The following MEGF8 variants were observed in gnomAD, a reference collection of about 807,000 sequenced individuals.
MEGF8 encodes the protein multiple epidermal growth factor-like domains protein 8.
MEGF8 carries 156 observed loss-of-function variants against 302.9 expected under a neutral mutation model. The observed-to-expected ratio is 0.52, with a 90% CI of 0.45 to 0.59. MEGF8 has a LOEUF of 0.59. Among genes scored for constraint, MEGF8 ranks in the 20% least tolerant of loss-of-function variants. The pLI, the probability that MEGF8 is intolerant of heterozygous loss-of-function variation, is 0.00. For missense variants in MEGF8, 3,345 were observed against 3,964.5 expected (o/e 0.84, Z 4.20); for synonymous variants, 1,621 against 1,660.5 (o/e 0.98, Z 0.58).
intron 31 of MEGF8, among the ~76,000 whole-genome samples, chr19:42,359,853 ATTTTTTTTT>A (rs891961465): frequency 8.0e-6 from 1 of 125,422 alleles, no homozygotes; most frequent in Non-Finnish European, 1.6e-5. Context: ...CGCCTGGATA[ATTTTTTTTT>A]TTTTTTTTTT....
In MEGF8 at chr19:42,333,661, A is replaced by G; in HGVS notation, c.244A>G (p.Thr82Ala). ...CTTCCTTTTCCTGGACACAGAGTGC[A>G]CGTATGACTACCTGTTCGTGTATGA... is the stretch of plus-strand genomic sequence containing the variant. ...LDFLFLDTEC[T>A]YDYLFVYDGD... Residue 82 changes from threonine to alanine, a missense_variant, in exon 2 of 42, where the codon ACG becomes GCG. Thr to Ala is a moderately conservative substitution (Grantham distance 58, BLOSUM62 0). Coordinates refer to ENST00000251268, the MANE Select transcript of MEGF8 (RefSeq NM_001271938.2). 1 of 1,613,990 alleles carries G rather than the reference A, an allele frequency of 6.2e-7. No homozygotes were observed. The highest frequency in any genetic ancestry group is 1.1e-5 in the South Asian group (1 of 91,074).
Position 42,358,658 on chromosome 19 carries a change from G to A in MEGF8, c.5176-129G>A. 1.8e-6 allele frequency: 2 copies of A among 1,118,794 alleles called. No homozygotes were observed. The highest frequency in any genetic ancestry group is 1.7e-5 in the South Asian group (1 of 58,862). The allele number at this position is 1,118,794 out of a possible 1,614,324, so 69.3% of individuals were successfully genotyped here. On this transcript the variant is annotated intron_variant, in intron 29 of 41. Transcript: ENST00000251268. This position sits in a 1 kb window ranked among gnomAD's most constrained non-coding sequence, Gnocchi z 4.4. ...GAGAATGTGTGTGGGAGGGCAGGGA[G>A]CCCTGTCTGCACTGGTTAGAGAGGC...
rs1314746538 is a variant in MEGF8, at chr19:42,375,945, T to A, written c.7708T>A (p.Trp2570Arg). 6.2e-7 allele frequency: 1 copy of A among 1,604,660 alleles called. No homozygotes were observed. Among genetic ancestry groups the A allele is most frequent in the Non-Finnish European group, 8.5e-7 (1 of 1,175,976 alleles). Residue 2570 changes from tryptophan to arginine, a missense_variant, in exon 42 of 42, where the codon TGG (tryptophan) becomes AGG (arginine). By Grantham distance (101) the Trp-to-Arg change is moderately radical. Coordinates refer to ENST00000251268, the MANE Select transcript of MEGF8 (RefSeq NM_001271938.2). The surrounding 1 kb of genome is among the most constrained non-coding windows in gnomAD (Gnocchi z 7.1). ...APAEPRVREV[W>R]PRGLITYVTV... ...AGCAGAGCCACGGGTACGGGAGGTA[T>A]GGCCGCGGGGCCTGATTACCTACGT...
chr19:42,362,047 G>C (rs184026298), intron 32 of MEGF8, 43 bp from the exon 33 acceptor site: 1 of 1,603,192 alleles, frequency 6.2e-7, no homozygotes, highest in African/African-American at 1.3e-5. Context: ...CAGAAGGAGG[G>C]GGTCTGGATG....
At chr19:42,366,038 C>T (rs188962038) in intron 35 of MEGF8, among the ~76,000 whole-genome samples, 3 of 152,088 alleles carry the variant, frequency 2.0e-5, no homozygotes, top group African/African-American at 7.2e-5. Flanking sequence ...ACTGAGATCG[C>T]ACCACTGTAC....
At position 42,369,063 on chromosome 19, in the gene MEGF8, G is replaced by A. The variant is rs2039648488; in HGVS notation, c.6641+61G>A. ...AGGGTGGGAGAGTCTGTGGGGAGCA[G>A]TAATGGATGAGGCCTAGAGCCAAGC... On this transcript the variant is annotated intron_variant, in intron 37 of 41. Coordinates refer to ENST00000251268, the MANE Select transcript of MEGF8 (RefSeq NM_001271938.2). The surrounding 1 kb of genome is among the most constrained non-coding windows in gnomAD (Gnocchi z 5.7). The A allele has an allele frequency of 3.2e-6, 5 of 1,586,712 alleles. No homozygotes were observed. In the Admixed American group the frequency reaches 8.6e-5, roughly 27 times the overall value.
Position 42,335,030 on chromosome 19 carries a change from C to A in MEGF8, c.559-5C>A. 1.9e-6 allele frequency: 3 copies of A among 1,601,464 alleles called. No individual in the cohort carries two copies. The highest frequency in any genetic ancestry group is 1.7e-4 in the Middle Eastern group (1 of 6,000). On this transcript the variant is annotated splice_region_variant and splice_polypyrimidine_tract_variant and intron_variant, in intron 3 of 41. Transcript: ENST00000251268. Reference sequence around the variant, plus strand: ...ATCTCTGCCTTTATGTCTCCTTTCCCGCAGCCCCTGGGACCATGCCGCTGT... The same window carrying A: ...ATCTCTGCCTTTATGTCTCCTTTCCAGCAGCCCCTGGGACCATGCCGCTGT...
rs776088296 is a variant in MEGF8 at position 42,355,944 on chromosome 19, G to T, written c.4331G>T (p.Cys1444Phe). 1 of 1,610,140 alleles carries T rather than the reference G, an allele frequency of 6.2e-7. No homozygotes were observed. The highest frequency in any genetic ancestry group is 8.5e-7 in the Non-Finnish European group (1 of 1,178,756). The change falls in exon 24 of 42, where the codon TGC becomes TTC. Residue 1444 changes from cysteine (C) to phenylalanine (F), a missense_variant. By Grantham distance (205) the Cys-to-Phe change is radical. Transcript: ENST00000251268. ...RCPQGWAGPH[C>F]RMALCPENCN... ...CCTCAGGGCTGGGCTGGCCCACACT[G>T]CCGCATGGCTCTGTGTCCTGAGAAC... is the stretch of plus-strand genomic sequence containing the variant.
rs147432832 is a variant in MEGF8 at position 42,332,930 on chromosome 19, G to C, written c.188-675G>C. On this transcript the variant is annotated intron_variant, in intron 1 of 41. Coordinates refer to ENST00000251268, the MANE Select transcript of MEGF8 (RefSeq NM_001271938.2). Reference sequence around the variant, plus strand: ...TAGAGATGAGGAGACCGATCCAGAGGGGGTGGGTTACTTGGCCAAGATCAC... The same window carrying C: ...TAGAGATGAGGAGACCGATCCAGAGCGGGTGGGTTACTTGGCCAAGATCAC... Among the ~76,000 whole-genome samples, 15 of 152,300 alleles carry C rather than the reference G, an allele frequency of 9.8e-5. No individual in the cohort carries two copies. In the East Asian group the frequency reaches 2.7e-3, roughly 27 times the overall value.
rs2039477349 is a variant in MEGF8 at position 42,358,058 on chromosome 19, T to C, written c.5012-86T>C. 6.2e-6 allele frequency: 8 copies of C among 1,293,054 alleles called. No individual in the cohort carries two copies. Among genetic ancestry groups the C allele is most frequent in the African/African-American group, 1.5e-5 (1 of 64,992 alleles). 80.1% of individuals were successfully genotyped at this position (1,293,054 alleles called of 1,614,324 possible). ...CCAGTCTCAGGGCCGGGGAAGGGAGTGGTCACCGAACAGGGGACCGGGAGG... is the reference window on the plus strand; with the variant it reads ...CCAGTCTCAGGGCCGGGGAAGGGAGCGGTCACCGAACAGGGGACCGGGAGG... On this transcript the variant is annotated intron_variant, in intron 28 of 41. Coordinates refer to ENST00000251268, the MANE Select transcript of MEGF8 (RefSeq NM_001271938.2). The surrounding 1 kb of genome is among the most constrained non-coding windows in gnomAD (Gnocchi z 4.4).
intron 41 of MEGF8, 83 bp downstream of exon 41, chr19:42,371,565 C>A: frequency 6.4e-7 from 1 of 1,563,136 alleles, no homozygotes; most frequent in Non-Finnish European, 8.7e-7. Context: ...CAGGCTCGGG[C>A]AGGACTGACA....
chr19:42,364,309 C>A (rs545813279), intron 35 of MEGF8, among the ~76,000 whole-genome samples: 1 of 152,146 alleles, frequency 6.6e-6, no homozygotes, highest in East Asian at 1.9e-4. Context: ...ACTGCCCCCC[C>A]GTGGGAGATA....
chr19:42,360,512 A>G (rs902802255), intron 31 of MEGF8, among the ~76,000 whole-genome samples: 3 of 151,438 alleles, frequency 2.0e-5, no homozygotes, highest in African/African-American at 7.3e-5. Flanking sequence ...TGCCCAGCTA[A>G]TTTTTTATTG....
Position 42,343,744 on chromosome 19 carries a change from G to A in MEGF8, c.1668+113G>A, listed in dbSNP as rs2039247626. On this transcript the variant is annotated intron_variant, in intron 9 of 41. Transcript: ENST00000251268. Reference sequence around the variant, plus strand: ...CTGGGAGAAGGAGTGGGGATCCCTAGGACCATGAGAGAAGGGAAGGAGGTC... The same window carrying A: ...CTGGGAGAAGGAGTGGGGATCCCTAAGACCATGAGAGAAGGGAAGGAGGTC... 3.6e-6 allele frequency: 5 copies of A among 1,403,218 alleles called. No homozygotes were observed. In the East Asian group the frequency reaches 1.3e-4, roughly 35 times the overall value. The allele number at this position is 1,403,218 out of a possible 1,614,324, so 86.9% of individuals were successfully genotyped here. A position where few individuals can be genotyped will look rare whatever the true frequency, so the allele number is the denominator to read the frequency against.
At position 42,353,075 on chromosome 19, in the gene MEGF8, C is replaced by T. The variant is rs1600051149; in HGVS notation, c.3498C>T (p.Ser1166=). The T allele has an allele frequency of 6.5e-7, 1 of 1,549,416 alleles. No individual in the cohort carries two copies. The highest frequency in any genetic ancestry group is 8.7e-7 in the Non-Finnish European group (1 of 1,146,900). ...GCTGCTCCCGGGACTGTGGCTGCAGCTTCCACAGCCACTGCCGCAAGCGGG... is the reference window on the plus strand; with the variant it reads ...GCTGCTCCCGGGACTGTGGCTGCAGTTTCCACAGCCACTGCCGCAAGCGGG... ...APRCSRDCGC[S]FHSHCRKRGP... The change falls in exon 20 of 42, where the codon AGC becomes AGT. Residue 1166 remains serine, a synonymous_variant. Transcript: ENST00000251268. This position sits in a 1 kb window ranked among gnomAD's most constrained non-coding sequence, Gnocchi z 6.1.
In MEGF8 at chr19:42,336,903, G is replaced by A. The variant is rs1269560429; in HGVS notation, c.1341G>A (p.Glu447=). ...GGGATGGGCTTCAGGGCCCAAGGGA[G>A]CGAGCCTTCCACACAGCCAGTGTTC... is the stretch of plus-strand genomic sequence containing the variant. ...KGRDGLQGPR[E]RAFHTASVLG... is the part of the protein sequence containing the mutation. The change falls in exon 7 of 42, where the codon GAG becomes GAA. Residue 447 remains glutamate, a synonymous_variant. Coordinates refer to ENST00000251268, the MANE Select transcript of MEGF8 (RefSeq NM_001271938.2). The surrounding 1 kb of genome is among the most constrained non-coding windows in gnomAD (Gnocchi z 4.8). 2 of 1,613,756 alleles carry A rather than the reference G, an allele frequency of 1.2e-6. No individual in the cohort carries two copies. Among genetic ancestry groups the A allele is most frequent in the Non-Finnish European group, 1.7e-6 (2 of 1,179,782 alleles).
intron 2 of MEGF8, 26 bp downstream of exon 2, chr19:42,333,794 A>G (rs1457023802): frequency 1.2e-6 from 2 of 1,609,980 alleles, no homozygotes; most frequent in African/African-American, 2.7e-5. Context: ...GCCGTGGCAG[A>G]TACACCGAGG....
chr19:42,328,567 A>AGTGTGTGTGTGTATGTGTGTGTGTGT (rs2039014846), intron 1 of MEGF8, among the ~76,000 whole-genome samples: 5 of 146,712 alleles, frequency 3.4e-5, no homozygotes, highest in African/African-American at 1.3e-4. Flanking sequence ...CAGAATAGGA[A>AGTGTGTGTGTGTATGTGTGTGTGTGT]GTGTGTGTGT....
In MEGF8 at chr19:42,344,361, A is replaced by G; in HGVS notation, c.1789-80A>G. Reference sequence around the variant, plus strand: ...GTTTTTTCGCCCTTTCCATCGCAGGACCCTGTATCCACAGCCCTTCCTTCC... The same window carrying G: ...GTTTTTTCGCCCTTTCCATCGCAGGGCCCTGTATCCACAGCCCTTCCTTCC... On this transcript the variant is annotated intron_variant, in intron 10 of 41. Transcript: ENST00000251268. This position sits in a 1 kb window ranked among gnomAD's most constrained non-coding sequence, Gnocchi z 4.5. The G allele has an allele frequency of 4.0e-6, 6 of 1,499,534 alleles. No homozygotes were observed. Among genetic ancestry groups the G allele is most frequent in the Non-Finnish European group, 5.3e-6 (6 of 1,128,188 alleles). 92.9% of individuals were successfully genotyped at this position (1,499,534 alleles called of 1,614,324 possible).
Sources: gnomAD v4.1 joint callset for allele counts (sites outside exome capture counted in the v4.1 genomes callset) on GRCh38, gnomAD v4.1.1 for gene constraint, Gnocchi (gnomAD v3.1) non-coding constraint, MANE v1.5 for transcripts, NCBI Gene and HGNC (gene_info 2026-07-23, HGNC 2026-07-21) for gene names.